Variants in CCDC88C observed in about 807,000 individuals in gnomAD.
The protein encoded by CCDC88C is protein Daple.
Under a neutral mutation model 198.8 loss-of-function variants are expected in CCDC88C, and 131 were observed. That is an observed-to-expected ratio of 0.66 (90% CI 0.57 to 0.76). The LOEUF is 0.76. Among genes scored for constraint, CCDC88C ranks in the 30% least tolerant of loss-of-function variants. CCDC88C has a pLI of 0.00. For synonymous variants in CCDC88C, 1,166 were observed against 1,114.7 expected (o/e 1.05, Z -0.92); for missense variants, 2,553 against 2,631.6 (o/e 0.97, Z 0.65).
At chr14:91,358,818 A>C (rs1374472290) in intron 4 of CCDC88C, among the ~76,000 whole-genome samples, 1 of 151,850 alleles carries the variant, frequency 6.6e-6, no homozygotes, top group Non-Finnish European at 1.5e-5. Context: ...GAGTCTTTCA[A>C]ACTCACACTG....
In CCDC88C at chr14:91,300,022, C is replaced by G; in HGVS notation, c.3684G>C (p.Lys1228Asn). ...KRKAELEERE[K>N]VLTTEREALQ... ...GCGCCTCTCGCTCAGTGGTCAAGAC[C>G]TTCTCCCGCTCCTCCAGCTCCGCCT... Residue 1228 changes from lysine to asparagine, a missense_variant, in exon 21 of 30, where the codon AAG becomes AAC. Lys to Asn is a moderately conservative substitution (Grantham distance 94). Coordinates refer to ENST00000389857, the MANE Select transcript of CCDC88C (RefSeq NM_001080414.4). 6.2e-7 allele frequency: 1 copy of G among 1,605,202 alleles called. No individual in the cohort carries two copies. Among genetic ancestry groups the G allele is most frequent in the African/African-American group, 1.3e-5 (1 of 74,924 alleles).
At chr14:91,370,920 A>T (rs560245360) in intron 3 of CCDC88C, among the ~76,000 whole-genome samples, 2 of 152,194 alleles carry the variant, frequency 1.3e-5, no homozygotes, top group African/African-American at 4.8e-5. Context: ...GTCTCCTTGC[A>T]CTCCGCCCTA....
In CCDC88C at chr14:91,288,831, GAGGCAGCC is replaced by G. The variant is rs1890531791; in HGVS notation, c.4441+266_4441+273del. 1.3e-5 allele frequency: 4 copies of G among 313,056 alleles called. No individual in the cohort carries two copies. In the South Asian group the frequency reaches 2.5e-4, roughly 19 times the overall value. 19.4% of individuals were successfully genotyped at this position (313,056 alleles called of 1,614,324 possible). Reference sequence around the variant, plus strand: ...AGGCAGGAGAATCACTTGAACCTGGGAGGCAGCCAGGCTGCACTCTAGCCTGGGCAACA... The same window carrying G: ...AGGCAGGAGAATCACTTGAACCTGGGAGGCTGCACTCTAGCCTGGGCAACA... On this transcript the variant is annotated intron_variant, in intron 25 of 29. Coordinates refer to ENST00000389857, the MANE Select transcript of CCDC88C (RefSeq NM_001080414.4). The surrounding 1 kb of genome is among the most constrained non-coding windows in gnomAD (Gnocchi z 4.2).
At position 91,302,358 on chromosome 14, in the gene CCDC88C, C is replaced by T. The variant is rs576098643; in HGVS notation, c.3635+1343G>A. Among the ~76,000 whole-genome samples the T allele has an allele frequency of 2.0e-5, 3 of 152,326 alleles. No homozygotes were observed. In the South Asian group the frequency reaches 6.2e-4, roughly 32 times the overall value. On this transcript the variant is annotated intron_variant, in intron 20 of 29. Coordinates refer to ENST00000389857, the MANE Select transcript of CCDC88C (RefSeq NM_001080414.4). ...TGTTGTACTCCAAGTACCTGAGAGC[C>T]TCTCTTTAGCCATGTCTCTCTCATG... is the stretch of plus-strand genomic sequence containing the variant.
chr14:91,297,225 T>C, intron 22 of CCDC88C, 80 bp downstream of exon 22: 1 of 1,430,554 alleles, frequency 7.0e-7, no homozygotes, highest in Non-Finnish European at 9.6e-7. Flanking sequence ...TGAGGACCCC[T>C]CACAGCTTGG....
At position 91,313,569 on chromosome 14, in the gene CCDC88C, C is replaced by A. The variant is rs750426113; in HGVS notation, c.2247G>T (p.Ala749=). The part of the protein sequence containing the change: ...ELRKNVDLLK[A]LGKKSERLEL... Reference sequence around the variant, plus strand: ...CCAGGCGCTCTGACTTCTTGCCCAGCGCCTTGAGCAGATCCACGTTCTTCC... The same window carrying A: ...CCAGGCGCTCTGACTTCTTGCCCAGAGCCTTGAGCAGATCCACGTTCTTCC... The change falls in exon 15 of 30, where the codon GCG becomes GCT. Residue 749 remains alanine, a synonymous_variant. Coordinates refer to ENST00000389857, the MANE Select transcript of CCDC88C (RefSeq NM_001080414.4). This position sits in a 1 kb window ranked among gnomAD's most constrained non-coding sequence, Gnocchi z 5.2. 7 of 1,611,722 alleles carry A rather than the reference C, an allele frequency of 4.3e-6. No individual in the cohort carries two copies. The highest frequency in any genetic ancestry group is 1.7e-5 in the Admixed American group (1 of 60,030).
intron 10 of CCDC88C, among the ~76,000 whole-genome samples, chr14:91,331,673 G>A (rs1055779796): frequency 2.6e-5 from 4 of 152,158 alleles, no homozygotes; most frequent in South Asian, 2.1e-4. Context: ...TCTATTCCAC[G>A]GTCCCCACCT....
chr14:91,368,349 C>T (rs774490540), intron 3 of CCDC88C, among the ~76,000 whole-genome samples: 17 of 152,104 alleles, frequency 1.1e-4, no homozygotes, highest in Admixed American at 9.2e-4. Context: ...AAAAAAGCTT[C>T]GAATTTGTTT....
chr14:91,318,565 G>A (rs904950181), intron 13 of CCDC88C, among the ~76,000 whole-genome samples: 2 of 152,182 alleles, frequency 1.3e-5, no homozygotes, highest in East Asian at 1.9e-4. Flanking sequence ...CAAGAGTGAG[G>A]AGCCTCGTAG....
At chr14:91,305,198 A>AAAAC (rs904659289) in intron 19 of CCDC88C, among the ~76,000 whole-genome samples, 2 of 152,212 alleles carry the variant, frequency 1.3e-5, no homozygotes, top group African/African-American at 2.4e-5. Context: ...ACTCCATCTC[A>AAAAC]AAACAAACAA....
intron 4 of CCDC88C, among the ~76,000 whole-genome samples, chr14:91,350,209 G>A (rs1262418231): frequency 6.6e-6 from 1 of 150,724 alleles, no homozygotes; most frequent in East Asian, 1.9e-4. Context: ...CACCCAGGTT[G>A]GAGTGCAGTG....
chr14:91,417,274 T>G, intron 1 of CCDC88C: 1 of 688,914 alleles, frequency 1.5e-6, no homozygotes, highest in Non-Finnish European at 2.6e-6. Flanking sequence ...TTGGGAAGAA[T>G]GGGGTCCTTT....
intron 22 of CCDC88C, among the ~76,000 whole-genome samples, chr14:91,295,809 G>A (rs1309476798): frequency 6.6e-6 from 1 of 152,170 alleles, no homozygotes; most frequent in East Asian, 1.9e-4. Flanking sequence ...CCAGTCCCTA[G>A]CATGGGACTG....
At chr14:91,285,413 C>T (rs755892789) in intron 25 of CCDC88C, 8 of 454,094 alleles carry the variant, frequency 1.8e-5, no homozygotes, top group Non-Finnish European at 2.2e-5. Flanking sequence ...GACATCCTGG[C>T]CCAAGGACAT....
At position 91,416,838 on chromosome 14, in the gene CCDC88C, C is replaced by T; in HGVS notation, c.61G>A (p.Val21Met). Reference sequence around the variant, plus strand: ...CTTCCAAACGGGCCAAAAGTTTTCACCTGCGGGGAGGGGGACGAGGAGAGA... The same window carrying T: ...CTTCCAAACGGGCCAAAAGTTTTCATCTGCGGGGAGGGGGACGAGGAGAGA... Reference protein sequence around the residue: ...LFLQSPLVTWVKTFGPFGSGS... With the variant: ...LFLQSPLVTWMKTFGPFGSGS... Residue 21 changes from valine (V) to methionine (M), a missense_variant and splice_region_variant, in exon 2 of 30, where the codon GTG (valine) becomes ATG (methionine). Physicochemically the swap from Val to Met is conservative, Grantham distance 21. This residue lies in a region of CCDC88C where 1,260 missense variants were observed against 1,412.0 expected (regional missense o/e 0.89). Transcript: ENST00000389857. 6.2e-7 allele frequency: 1 copy of T among 1,610,432 alleles called. No individual in the cohort carries two copies.
intron 2 of CCDC88C, 23 bp downstream of exon 2, chr14:91,416,715 C>T: frequency 6.5e-7 from 1 of 1,535,112 alleles, no homozygotes; most frequent in Non-Finnish European, 9.0e-7. Flanking sequence ...TTCTTTCCTT[C>T]CTCCGAGAAG....
chr14:91,274,747 T>C (rs1889883571), intron 29 of CCDC88C, among the ~76,000 whole-genome samples: 1 of 152,180 alleles, frequency 6.6e-6, no homozygotes, highest in Non-Finnish European at 1.5e-5. Flanking sequence ...GGGAACCACA[T>C]GTATAATTGC....
chr14:91,378,001 AAGAAG>A (rs1251052392), intron 3 of CCDC88C, among the ~76,000 whole-genome samples: 1 of 147,234 alleles, frequency 6.8e-6, no homozygotes, highest in Non-Finnish European at 1.5e-5. Context: ...TTAAGTAAGG[AAGAAG>A]AGGAGAGTGG....
rs1567055213 is a variant in CCDC88C, at chr14:91,293,409, C to CGT, written c.4112+763_4112+764insAC. Among the ~76,000 whole-genome samples the CGT allele has an allele frequency of 5.2e-4, 21 of 40,350 alleles. 2 individuals are homozygous for CGT. Among genetic ancestry groups the CGT allele is most frequent in the African/African-American group, 1.4e-3 (10 of 6,954 alleles). The allele number at this position is 40,350 out of a possible 152,430, so 26.5% of individuals were successfully genotyped here. A position where few individuals can be genotyped will look rare whatever the true frequency, so the allele number is the denominator to read the frequency against. ...GCCTGCCACAGCCCACCTTCCTGCC[C>CGT]CCTCACCTGCCACGGCCCACCTTCC... On this transcript the variant is annotated intron_variant, in intron 23 of 29. Coordinates refer to ENST00000389857, the MANE Select transcript of CCDC88C (RefSeq NM_001080414.4).
Sources: gnomAD v4.1 joint callset for allele counts (sites outside exome capture counted in the v4.1 genomes callset) on GRCh38, gnomAD v4.1.1 for gene constraint, gnomAD v4.1.1 regional missense constraint, Gnocchi (gnomAD v3.1) non-coding constraint, MANE v1.5 for transcripts, NCBI Gene and HGNC (gene_info 2026-07-23, HGNC 2026-07-21) for gene names.